LSAMP: variants seen among roughly 807,000 people sequenced by gnomAD.
LSAMP encodes limbic system-associated membrane protein.
LSAMP carries 7 observed loss-of-function variants against 38.6 expected under a neutral mutation model. The observed-to-expected ratio is 0.18, with a 90% CI of 0.10 to 0.34. The LOEUF (loss-of-function observed/expected upper bound fraction) is 0.34. Ranked by LOEUF, LSAMP falls within the 10% of genes least tolerant of loss-of-function variation. The pLI is 1.00. For synonymous variants in LSAMP, 154 were observed against 166.8 expected, an observed-to-expected ratio of 0.92 and a Z score of 0.59; for missense variants, 313 against 420.0, an observed-to-expected ratio of 0.75 and a Z score of 2.23.
chr3:116,282,305 A>G (rs2047136770), intron 1 of LSAMP, among the ~76,000 whole-genome samples: 1 of 152,158 alleles, frequency 6.6e-6, no homozygotes, highest in Admixed American at 6.5e-5. Flanking sequence ...TCCAAAATAT[A>G]TCTTGGGGAG....
intron 1 of LSAMP, among the ~76,000 whole-genome samples, chr3:116,316,794 A>G (rs1171041935): frequency 2.6e-5 from 4 of 151,306 alleles, no homozygotes; most frequent in Non-Finnish European, 5.9e-5. Context: ...AAAAAAAAAA[A>G]AGAGAAAGAA....
chr3:116,213,858 T>C (rs1459567780), intron 1 of LSAMP, among the ~76,000 whole-genome samples: 1 of 152,072 alleles, frequency 6.6e-6, no homozygotes, highest in Admixed American at 6.5e-5. Flanking sequence ...AATAATCAAA[T>C]TTAAAGAATC....
intron 1 of LSAMP, among the ~76,000 whole-genome samples, chr3:116,263,805 CT>C (rs2046861365): frequency 6.6e-6 from 1 of 152,092 alleles, no homozygotes; most frequent in Admixed American, 6.6e-5. Flanking sequence ...AAAATGTATT[CT>C]CTGTGTTGCA....
At chr3:116,242,602 C>G (rs1453526630) in intron 1 of LSAMP, among the ~76,000 whole-genome samples, 1 of 151,960 alleles carries the variant, frequency 6.6e-6, no homozygotes, top group East Asian at 1.9e-4. Context: ...CTCTGCCACC[C>G]CTTAATCATT....
At chr3:116,209,159 T>C (rs1285880737) in intron 1 of LSAMP, among the ~76,000 whole-genome samples, 1 of 152,116 alleles carries the variant, frequency 6.6e-6, no homozygotes, top group Non-Finnish European at 1.5e-5. Context: ...AGTGACCCGA[T>C]TTTCCAGGTG....
intron 1 of LSAMP, among the ~76,000 whole-genome samples, chr3:116,406,607 T>A (rs2048901231): frequency 6.6e-6 from 1 of 152,094 alleles, no homozygotes; most frequent in African/African-American, 2.4e-5. Flanking sequence ...TTCTCATCCT[T>A]TGATTAGGAA....
At chr3:115,951,029 A>G (rs1277521703) in intron 3 of LSAMP, among the ~76,000 whole-genome samples, 2 of 152,148 alleles carry the variant, frequency 1.3e-5, no homozygotes, top group South Asian at 4.1e-4. Context: ...GTAGGAAAGG[A>G]GATCCTGTTC....
At chr3:116,403,806 A>G (rs987949065) in intron 1 of LSAMP, among the ~76,000 whole-genome samples, 3 of 151,676 alleles carry the variant, frequency 2.0e-5, no homozygotes, top group Non-Finnish European at 4.4e-5. Flanking sequence ...GTTGGAGTGC[A>G]GGGGGGGTGA....
chr3:115,967,421 C>T (rs370863869), intron 3 of LSAMP, among the ~76,000 whole-genome samples: 3 of 152,166 alleles, frequency 2.0e-5, no homozygotes, highest in African/African-American at 7.2e-5. Context: ...TGACAAGTCT[C>T]TAGAGAGTTC....
chr3:116,417,524 T>A (rs1214166916), intron 1 of LSAMP, among the ~76,000 whole-genome samples: 1 of 152,210 alleles, frequency 6.6e-6, no homozygotes, highest in African/African-American at 2.4e-5. Flanking sequence ...ATCTCTCACC[T>A]GCAAAGAGTA....
chr3:116,424,948 T>A (rs1047822298), intron 1 of LSAMP, among the ~76,000 whole-genome samples: 22 of 151,828 alleles, frequency 1.4e-4, no homozygotes, highest in African/African-American at 5.3e-4. Context: ...GTATCTGCAT[T>A]ACTCTTAAAA....
At chr3:116,335,328 C>G (rs2047904484) in intron 1 of LSAMP, among the ~76,000 whole-genome samples, 1 of 152,096 alleles carries the variant, frequency 6.6e-6, no homozygotes, top group Admixed American at 6.6e-5. Flanking sequence ...CTATCAAAAT[C>G]CTGATGTCAT....
At chr3:115,915,772 A>G (rs1937237462) in intron 3 of LSAMP, among the ~76,000 whole-genome samples, 1 of 151,996 alleles carries the variant, frequency 6.6e-6, no homozygotes, top group Non-Finnish European at 1.5e-5. Flanking sequence ...AGCTGGGACT[A>G]TAGGCACGCA....
chr3:116,147,748 G>A (rs780314994), intron 1 of LSAMP, among the ~76,000 whole-genome samples: 3 of 151,840 alleles, frequency 2.0e-5, no homozygotes, highest in Non-Finnish European at 4.4e-5. Flanking sequence ...TCAGCAGGCA[G>A]TGGGGCATAT....
intron 1 of LSAMP, among the ~76,000 whole-genome samples, chr3:116,441,994 A>T (rs1203769062): frequency 6.6e-6 from 1 of 152,100 alleles, no homozygotes; most frequent in Non-Finnish European, 1.5e-5. Flanking sequence ...TGAGTTAGGT[A>T]TGTATACATG....
intron 3 of LSAMP, among the ~76,000 whole-genome samples, chr3:115,926,141 C>T (rs1031583953): frequency 1.3e-5 from 2 of 152,178 alleles, no homozygotes; most frequent in Non-Finnish European, 2.9e-5. Flanking sequence ...TGGGCACATG[C>T]TGCCTCCATG....
At chr3:116,403,795 G>T (rs184408266) in intron 1 of LSAMP, among the ~76,000 whole-genome samples, 76 of 151,980 alleles carry the variant, frequency 5.0e-4, no homozygotes, top group Middle Eastern at 3.4e-3. Context: ...CTGTTGCCCA[G>T]GTTGGAGTGC....
At chr3:115,842,729 A>AATG in intron 4 of LSAMP, 151 bp from the exon 5 acceptor site, 1 of 869,174 alleles carries the variant, frequency 1.2e-6, no homozygotes, top group Non-Finnish European at 1.7e-6. Context: ...TGATCAGCTC[A>AATG]ATGGGGTTGA....
intron 3 of LSAMP, among the ~76,000 whole-genome samples, chr3:115,889,575 C>A (rs751933256): frequency 6.6e-6 from 1 of 151,808 alleles, no homozygotes; most frequent in South Asian, 2.1e-4. Flanking sequence ...CCTGCTTTGG[C>A]CCCCAGTTAT....
Sources: gnomAD v4.1 joint callset for allele counts (sites outside exome capture counted in the v4.1 genomes callset) on GRCh38, gnomAD v4.1.1 for gene constraint, MANE v1.5 for transcripts, NCBI Gene and HGNC (gene_info 2026-07-23, HGNC 2026-07-21) for gene names.